The following SHROOM3 variants were observed in gnomAD, a reference collection of about 807,000 sequenced individuals.
The protein encoded by SHROOM3 is protein Shroom3.
Under a neutral mutation model 138.6 loss-of-function variants are expected in SHROOM3, and 47 were observed. That is an observed-to-expected ratio of 0.34 (90% confidence interval 0.27 to 0.43). The LOEUF is 0.43. SHROOM3 is among the 20% of genes least tolerant of loss of function. The pLI is 1.00. For missense variants in SHROOM3, 2,491 were observed against 2,596.5 expected (o/e 0.96, Z 0.88); for synonymous variants, 1,062 against 1,063.3 (o/e 1.00, Z 0.02).
In SHROOM3 at chr4:76,770,004, G is replaced by A. The variant is rs898351568; in HGVS notation, c.5350-622G>A. ...TAGTATTGTCATGAGGATCAAATGA[G>A]AACATGTCTTAAAAGGACTTTTAAA... On this transcript the variant is annotated intron_variant, in intron 9 of 10. Transcript: ENST00000296043. Among the ~76,000 whole-genome samples the A allele has an allele frequency of 3.9e-5, 6 of 152,166 alleles. No individual in the cohort carries two copies. The South Asian group carries it at 1.2e-3, about 32-fold the overall frequency.
At chr4:76,517,351 G>C (rs1732464514) in intron 1 of SHROOM3, among the ~76,000 whole-genome samples, 1 of 152,110 alleles carries the variant, frequency 6.6e-6, no homozygotes, top group Non-Finnish European at 1.5e-5. Flanking sequence ...TCTAAAAAAG[G>C]CTCACTTCCT....
intron 2 of SHROOM3, among the ~76,000 whole-genome samples, chr4:76,615,425 G>A (rs148470733): frequency 1.2e-4 from 18 of 152,302 alleles, no homozygotes; most frequent in African/African-American, 4.1e-4. Flanking sequence ...AACTGATGCC[G>A]AAACGTGGTG....
intron 1 of SHROOM3, among the ~76,000 whole-genome samples, chr4:76,505,070 G>A (rs1467280507): frequency 6.6e-6 from 1 of 152,174 alleles, no homozygotes; most frequent in Admixed American, 6.5e-5. Flanking sequence ...TTGTGGACAT[G>A]AGAGAATGTA....
intron 1 of SHROOM3, among the ~76,000 whole-genome samples, chr4:76,441,745 A>G (rs1730695733): frequency 6.6e-6 from 1 of 152,030 alleles, no homozygotes; most frequent in African/African-American, 2.4e-5. Flanking sequence ...TTTTTGAGAT[A>G]GAGTTTCGCT....
At chr4:76,582,831 A>C (rs898447792) in intron 2 of SHROOM3, among the ~76,000 whole-genome samples, 1 of 152,314 alleles carries the variant, frequency 6.6e-6, no homozygotes, top group Admixed American at 6.5e-5. Flanking sequence ...GTCACGTGCT[A>C]ATCAGTGGCA....
intron 1 of SHROOM3, among the ~76,000 whole-genome samples, chr4:76,443,766 T>C (rs1473516847): frequency 2.0e-5 from 3 of 152,336 alleles, no homozygotes; most frequent in South Asian, 4.2e-4. Flanking sequence ...CTTTTCTGCC[T>C]TCAGAGGAAG....
At chr4:76,737,565 C>T (rs1321844256) in intron 4 of SHROOM3, among the ~76,000 whole-genome samples, 1 of 152,312 alleles carries the variant, frequency 6.6e-6, no homozygotes, top group Admixed American at 6.5e-5. Flanking sequence ...GAGAGTTTCT[C>T]TTGCTCCCCA....
chr4:76,657,542 T>C (rs1239516584), intron 2 of SHROOM3, among the ~76,000 whole-genome samples: 1 of 152,216 alleles, frequency 6.6e-6, no homozygotes, highest in African/African-American at 2.4e-5. Context: ...AAATGGAATA[T>C]CTGTTACTCA....
intron 9 of SHROOM3, among the ~76,000 whole-genome samples, chr4:76,764,250 G>A (rs368232027): frequency 1.3e-5 from 2 of 152,192 alleles, no homozygotes; most frequent in East Asian, 3.9e-4. Context: ...TAAAGACAGT[G>A]TAAATAATCA....
intron 8 of SHROOM3, 132 bp downstream of exon 8, chr4:76,757,069 TCA>T: frequency 6.9e-7 from 1 of 1,450,714 alleles, no homozygotes; most frequent in Non-Finnish European, 9.5e-7. Flanking sequence ...ACATTTTATC[TCA>T]GTCTTGGAGG....
At chr4:76,670,822 G>A (rs1718857309) in intron 2 of SHROOM3, among the ~76,000 whole-genome samples, 1 of 152,100 alleles carries the variant, frequency 6.6e-6, no homozygotes, top group African/African-American at 2.4e-5. Context: ...GCATGGTGGT[G>A]CATGCCTGTG....
chr4:76,572,470 T>C (rs1257271262), intron 2 of SHROOM3, among the ~76,000 whole-genome samples: 1 of 152,190 alleles, frequency 6.6e-6, no homozygotes, highest in African/African-American at 2.4e-5. Context: ...CTGAGGACTA[T>C]TCCCAGTGCA....
At chr4:76,630,639 C>CA (rs1026363052) in intron 2 of SHROOM3, among the ~76,000 whole-genome samples, 14 of 151,926 alleles carry the variant, frequency 9.2e-5, no homozygotes, top group Admixed American at 7.9e-4. Flanking sequence ...CAATCAGTCA[C>CA]AAAAAAGTGA....
At chr4:76,474,409 C>T (rs558277784) in intron 1 of SHROOM3, among the ~76,000 whole-genome samples, 16 of 152,114 alleles carry the variant, frequency 1.1e-4, no homozygotes, top group Non-Finnish European at 1.6e-4. Flanking sequence ...GACTTGTGTA[C>T]TCTAAAAAGC....
Position 76,778,812 on chromosome 4 carries a change from T to C in SHROOM3, c.5626T>C (p.Ser1876Pro). Residue 1876 changes from serine to proline, a missense_variant, in exon 11 of 11, where the codon TCT (serine) becomes CCT (proline). Physicochemically the swap from Ser to Pro is moderately conservative, Grantham distance 74 (BLOSUM62 -1). Transcript: ENST00000296043. ...TCTGTCCAATTTTCCCTGGCAGAGC[T>C]CTCTTTACGAGAAAAGGAAGATCCT... Reference protein sequence around the residue: ...GEDASNEERSSLYEKRKILAG... With the variant: ...GEDASNEERSPLYEKRKILAG... 1 of 1,612,238 alleles carries C rather than the reference T, an allele frequency of 6.2e-7. No individual in the cohort carries two copies. The highest frequency in any genetic ancestry group is 8.5e-7 in the Non-Finnish European group (1 of 1,180,014).
chr4:76,556,228 G>T (rs933561556), intron 2 of SHROOM3, among the ~76,000 whole-genome samples: 7 of 152,182 alleles, frequency 4.6e-5, no homozygotes, highest in Non-Finnish European at 1.0e-4. Flanking sequence ...TCTCAATAGT[G>T]GTGATTCCTC....
rs1252208866 is a variant in SHROOM3, at chr4:76,664,475, C to T, written c.324-45681C>T. Among the ~76,000 whole-genome samples, 7 of 152,144 alleles carry T rather than the reference C, an allele frequency of 4.6e-5. No individual in the cohort carries two copies. The highest frequency in any genetic ancestry group is 4.6e-4 in the Admixed American group (7 of 15,282). ...TAGCTGCACATGACAATGATCTTGA[C>T]AGCTTTTAAAAATAATGATGCCTGT... On this transcript the variant is annotated intron_variant, in intron 2 of 10. Coordinates refer to ENST00000296043, the MANE Select transcript of SHROOM3 (RefSeq NM_020859.4). This position sits in a 1 kb window ranked among gnomAD's most constrained non-coding sequence, Gnocchi z 4.2.
At chr4:76,731,386 T>C (rs1490402942) in intron 4 of SHROOM3, among the ~76,000 whole-genome samples, 1 of 152,242 alleles carries the variant, frequency 6.6e-6, no homozygotes, top group Non-Finnish European at 1.5e-5. Flanking sequence ...GCACAACTAA[T>C]GTACTGAGGA....
intron 2 of SHROOM3, among the ~76,000 whole-genome samples, chr4:76,600,187 C>G (rs955091143): frequency 6.6e-6 from 1 of 152,134 alleles, no homozygotes; most frequent in African/African-American, 2.4e-5. Context: ...AAAAAATAAA[C>G]AACCAACTTG....
Sources: allele counts gnomAD v4.1 joint callset (sites outside exome capture counted in the v4.1 genomes callset), GRCh38; gene constraint gnomAD v4.1.1; non-coding constraint Gnocchi (gnomAD v3.1); transcripts MANE v1.5; gene names NCBI Gene and HGNC (gene_info 2026-07-23, HGNC 2026-07-21).